Variants in NTM observed in about 807,000 individuals in gnomAD.
NTM encodes the protein IgLON family member 2.
In NTM, 13 loss-of-function variants were observed where a neutral mutation model predicts 42.1. The observed-to-expected ratio is 0.31, with a 90% CI of 0.20 to 0.49. The LOEUF is 0.49. NTM is among the 20% of genes least tolerant of loss of function. The probability of loss-of-function intolerance (pLI) is 0.99; values close to 1 mark genes in which losing one functional copy is unlikely to be tolerated. For synonymous variants in NTM, 187 were observed against 179.2 expected (o/e 1.04, Z -0.35); for missense variants, 373 against 452.8 (o/e 0.82, Z 1.60).
chr11:132,258,864 G>C (rs1041532729), intron 4 of NTM, among the ~76,000 whole-genome samples: 1 of 152,188 alleles, frequency 6.6e-6, no homozygotes, highest in Non-Finnish European at 1.5e-5. Flanking sequence ...GACATCCTTC[G>C]TGTGTGTGAC....
At chr11:132,313,974 G>A (rs767829442) in intron 6 of NTM, among the ~76,000 whole-genome samples, 39 of 152,120 alleles carry the variant, frequency 2.6e-4, no homozygotes, top group Non-Finnish European at 5.0e-4. Context: ...AGAGTCCCCT[G>A]ATGAGAAAAA....
intron 3 of NTM, among the ~76,000 whole-genome samples, chr11:132,201,299 G>T (rs1489451391): frequency 6.6e-6 from 1 of 152,188 alleles, no homozygotes; most frequent in Non-Finnish European, 1.5e-5. Context: ...CTAGGGGAGA[G>T]AAGCAACTAA....
chr11:131,525,723 TCC>T (rs1317190094), intron 1 of NTM, among the ~76,000 whole-genome samples: 1 of 152,198 alleles, frequency 6.6e-6, no homozygotes, highest in Non-Finnish European at 1.5e-5. Flanking sequence ...TGGGTTCAGA[TCC>T]CAGCTTTGCT....
chr11:131,434,643 C>G (rs1948972817), intron 1 of NTM, among the ~76,000 whole-genome samples: 1 of 151,836 alleles, frequency 6.6e-6, no homozygotes, highest in South Asian at 2.1e-4. Context: ...GTTGTTTGTT[C>G]TTTTCTTGTA....
chr11:132,112,035 G>A lies in NTM; in HGVS notation c.168-34247G>A, dbSNP rs534174081. Among the ~76,000 whole-genome samples, 13 of 152,328 alleles carry A rather than the reference G, an allele frequency of 8.5e-5. No homozygotes were observed. In the South Asian group the frequency reaches 1.5e-3, roughly 17 times the overall value. On this transcript the variant is annotated intron_variant, in intron 2 of 8. Transcript: ENST00000683400. ...TAGCTGCTCTGCCATACAACAAAAG[G>A]TCATCCCTCCCTCTCATTTTTCCTT... is the stretch of plus-strand genomic sequence containing the variant.
At chr11:132,172,431 A>T (rs1360892107) in intron 3 of NTM, among the ~76,000 whole-genome samples, 1 of 152,174 alleles carries the variant, frequency 6.6e-6, no homozygotes, top group Admixed American at 6.5e-5. Context: ...TGGTCTGAAA[A>T]TGTGTTCAGA....
At chr11:131,514,065 G>A (rs910272549) in intron 1 of NTM, among the ~76,000 whole-genome samples, 1 of 152,086 alleles carries the variant, frequency 6.6e-6, no homozygotes, top group African/African-American at 2.4e-5. Flanking sequence ...AATAATAATG[G>A]TAAGTCAGCT....
intron 2 of NTM, among the ~76,000 whole-genome samples, chr11:132,110,927 ATGGTGATG>A (rs2063084340): frequency 6.6e-6 from 1 of 151,356 alleles, no homozygotes; most frequent in Non-Finnish European, 1.5e-5. Flanking sequence ...AATAAAAGGC[ATGGTGATG>A]TGTGCACCTG....
chr11:131,854,188 G>T (rs1270043895), intron 1 of NTM, among the ~76,000 whole-genome samples: 1 of 152,182 alleles, frequency 6.6e-6, no homozygotes, highest in Admixed American at 6.5e-5. Context: ...GGCCAAGAGG[G>T]TTTAATCCTA....
chr11:132,302,847 A>C (rs757486795), intron 4 of NTM, among the ~76,000 whole-genome samples: 1 of 152,206 alleles, frequency 6.6e-6, no homozygotes, highest in Non-Finnish European at 1.5e-5. Flanking sequence ...TCAGTTTCCC[A>C]CAAGAAAAAT....
At chr11:131,830,497 G>A (rs1257386008) in intron 1 of NTM, among the ~76,000 whole-genome samples, 6 of 152,126 alleles carry the variant, frequency 3.9e-5, no homozygotes, top group Admixed American at 3.3e-4. Context: ...CTTTATTTCT[G>A]CATTCTCTAT....
intron 6 of NTM, among the ~76,000 whole-genome samples, chr11:132,310,723 C>T (rs370754930): frequency 9.9e-5 from 15 of 152,262 alleles, no homozygotes; most frequent in African/African-American, 3.6e-4. Context: ...ATTTAGCCCT[C>T]CCTTTGTGCC....
rs535151022 is a variant in NTM, at chr11:131,393,843, T to C, written c.82+22955T>C. ...TTAAATCCACCAGTGATACGTGCAA[T>C]TGGGAGAGGCTTTTGTTGTGTCATT... On this transcript the variant is annotated intron_variant, in intron 1 of 8. Coordinates refer to ENST00000683400, the MANE Select transcript of NTM (RefSeq NM_001352005.2). 5.9e-5 allele frequency among the ~76,000 whole-genome samples: 9 copies of C among 152,182 alleles called. No homozygotes were observed. The East Asian group carries it at 1.3e-3, about 23-fold the overall frequency.
At chr11:132,019,066 TTC>T (rs764434372) in intron 2 of NTM, among the ~76,000 whole-genome samples, 1 of 151,976 alleles carries the variant, frequency 6.6e-6, no homozygotes, top group African/African-American at 2.4e-5. Context: ...ACTATTTTTC[TTC>T]TCTCTTTTTC....
rs546243202 is a variant in NTM, at chr11:132,134,739, A to G, written c.168-11543A>G. Among the ~76,000 whole-genome samples, 565 of 85,750 alleles carry G rather than the reference A, an allele frequency of 6.6e-3. 36 individuals are homozygous for G. The highest frequency in any genetic ancestry group is 0.028 in the African/African-American group (437 of 15,688). 56.3% of individuals were successfully genotyped at this position (85,750 alleles called of 152,430 possible). A position where few individuals can be genotyped will look rare whatever the true frequency, so the allele number is the denominator to read the frequency against. The stretch of plus-strand genomic sequence containing the variant: ...TATATATATATATATATATATATAT[A>G]TATATATATATATATATATATCTCA... On this transcript the variant is annotated intron_variant, in intron 2 of 8. Coordinates refer to ENST00000683400, the MANE Select transcript of NTM (RefSeq NM_001352005.2).
At chr11:131,845,679 C>A (rs1327267732) in intron 1 of NTM, among the ~76,000 whole-genome samples, 1 of 150,888 alleles carries the variant, frequency 6.6e-6, no homozygotes, top group East Asian at 1.9e-4. Flanking sequence ...AGATAAAATT[C>A]CTGTCATTAA....
At chr11:131,749,010 T>C (rs1033214834) in intron 1 of NTM, among the ~76,000 whole-genome samples, 1 of 152,220 alleles carries the variant, frequency 6.6e-6, no homozygotes, top group African/African-American at 2.4e-5. Context: ...TAGAGTAGCA[T>C]ATGTCCTCAG....
intron 4 of NTM, among the ~76,000 whole-genome samples, chr11:132,303,573 G>A (rs2094945855): frequency 1.3e-5 from 2 of 152,110 alleles, no homozygotes; most frequent in African/African-American, 4.8e-5. Context: ...ACTCTCTGAG[G>A]TACTGATGGT....
chr11:131,717,751 T>C (rs566085352), intron 1 of NTM, among the ~76,000 whole-genome samples: 1 of 152,318 alleles, frequency 6.6e-6, no homozygotes, highest in African/African-American at 2.4e-5. Flanking sequence ...CAGTACAATG[T>C]TGAATAGAAC....
Sources: allele counts gnomAD v4.1 joint callset (sites outside exome capture counted in the v4.1 genomes callset), GRCh38; gene constraint gnomAD v4.1.1; transcripts MANE v1.5; gene names NCBI Gene and HGNC (gene_info 2026-07-23, HGNC 2026-07-21).